Variants in FAM227B observed in about 807,000 individuals in gnomAD.
FAM227B encodes the protein family with sequence similarity 227 member B.
In FAM227B, 88 loss-of-function variants were observed where a neutral mutation model predicts 73.8. The ratio of observed to expected loss-of-function variants is 1.19; its 90% CI spans 1.00 to 1.42. FAM227B has a LOEUF of 1.42. Among genes scored for constraint, FAM227B ranks in the 40% most tolerant of loss-of-function variants. FAM227B has a pLI of 0.00. For synonymous variants in FAM227B, 210 were observed against 190.5 expected (o/e 1.10, Z -0.84); for missense variants, 632 against 590.9 (o/e 1.07, Z -0.72).
chr15:49,533,357 A>G (rs2060762586), intron 10 of FAM227B, among the ~76,000 whole-genome samples: 1 of 151,858 alleles, frequency 6.6e-6, no homozygotes, highest in African/African-American at 2.4e-5. Flanking sequence ...GCTGCTTTGG[A>G]TGGAATGTTC....
At chr15:49,537,839 C>G (rs2070493196) in intron 10 of FAM227B, among the ~76,000 whole-genome samples, 1 of 151,974 alleles carries the variant, frequency 6.6e-6, no homozygotes, top group African/African-American at 2.4e-5. Flanking sequence ...CATGATCTCA[C>G]TGATATTTGG....
intron 11 of FAM227B, among the ~76,000 whole-genome samples, chr15:49,437,537 T>G (rs1597183384): frequency 6.6e-6 from 1 of 151,658 alleles, no homozygotes; most frequent in East Asian, 1.9e-4. Context: ...GGGGTGTGAT[T>G]CTGGGTAAAT....
intron 11 of FAM227B, among the ~76,000 whole-genome samples, chr15:49,496,517 G>T (rs547214821): frequency 6.6e-6 from 1 of 152,252 alleles, no homozygotes; most frequent in South Asian, 2.1e-4. Flanking sequence ...AGAGGAGCTG[G>T]CTTATAAATC....
At chr15:49,568,102 T>C in intron 9 of FAM227B, 143 bp downstream of exon 9, 1 of 656,718 alleles carries the variant, frequency 1.5e-6, no homozygotes, top group Non-Finnish European at 2.5e-6. Context: ...AGCATAACTT[T>C]CAAAATATTA....
intron 11 of FAM227B, among the ~76,000 whole-genome samples, chr15:49,459,714 C>T (rs1467978874): frequency 6.6e-6 from 1 of 152,050 alleles, no homozygotes; most frequent in African/African-American, 2.4e-5. Context: ...TTTTCAGGGG[C>T]CAAAACCAGG....
chr15:49,342,204 G>C (rs182522872), intron 13 of FAM227B, among the ~76,000 whole-genome samples: 4 of 152,080 alleles, frequency 2.6e-5, no homozygotes, highest in African/African-American at 9.7e-5. Flanking sequence ...TATGAATCTG[G>C]GTGATCCAAT....
At chr15:49,365,774 C>A in intron 13 of FAM227B, 1 of 854,054 alleles carries the variant, frequency 1.2e-6, no homozygotes, top group Non-Finnish European at 2.0e-6. Flanking sequence ...TGAAACACAG[C>A]CCAAACAATA....
Position 49,541,789 on chromosome 15 carries a change from C to A in FAM227B, c.765G>T (p.Leu255Phe). Residue 255 changes from leucine (L) to phenylalanine (F), a missense_variant, in exon 10 of 16, where the codon TTG becomes TTT. Coordinates refer to ENST00000299338, the MANE Select transcript of FAM227B (RefSeq NM_152647.3). ...GGAACGTTGCATATATGGCTTGTGCCAAACAATCAGGATATATCTACCAAA... is the reference window on the plus strand; with the variant it reads ...GGAACGTTGCATATATGGCTTGTGCAAAACAATCAGGATATATCTACCAAA... Reference protein sequence around the residue: ...DAFFQIYPDCLAQAIYATFHE... With the variant: ...DAFFQIYPDCFAQAIYATFHE... 1 of 1,496,748 alleles carries A rather than the reference C, an allele frequency of 6.7e-7. No individual in the cohort carries two copies. The highest frequency in any genetic ancestry group is 8.9e-7 in the Non-Finnish European group (1 of 1,122,180). The allele number at this position is 1,496,748 out of a possible 1,614,324, so 92.7% of individuals were successfully genotyped here. A position where few individuals can be genotyped will look rare whatever the true frequency, so the allele number is the denominator to read the frequency against.
At chr15:49,613,129 C>A (rs547406282) in intron 2 of FAM227B, among the ~76,000 whole-genome samples, 5 of 151,858 alleles carry the variant, frequency 3.3e-5, no homozygotes, top group Admixed American at 2.6e-4. Flanking sequence ...GACAGGAGGA[C>A]TGCTTGAGCC....
rs1164919709 is a variant in FAM227B at position 49,328,688 on chromosome 15, T to A, written c.1420-13A>T. On this transcript the variant is annotated splice_polypyrimidine_tract_variant and intron_variant, in intron 15 of 15. Transcript: ENST00000299338. ...CAGCTTCGGAACGCTATGAAAATAATACATGATTAAAGTTTCACAGATCTT... is the reference window on the plus strand; with the variant it reads ...CAGCTTCGGAACGCTATGAAAATAAAACATGATTAAAGTTTCACAGATCTT... 6.4e-7 allele frequency: 1 copy of A among 1,550,894 alleles called. No individual in the cohort carries two copies. The highest frequency in any genetic ancestry group is 2.0e-5 in the Admixed American group (1 of 50,922).
chr15:49,373,562 TTA>T lies in FAM227B; in HGVS notation c.1013-2165_1013-2164del, dbSNP rs2045976123. On this transcript the variant is annotated intron_variant, in intron 11 of 15. Transcript: ENST00000299338. The stretch of plus-strand genomic sequence containing the variant: ...TCTGATAAAACTATAATAAAATGTC[TTA>T]ACTGTTCTTACTAAGTCTCCAGAAA... Among the ~76,000 whole-genome samples, 9 of 152,268 alleles carry T rather than the reference TTA, an allele frequency of 5.9e-5. No homozygotes were observed. The South Asian group carries it at 1.9e-3, about 32-fold the overall frequency.
intron 10 of FAM227B, among the ~76,000 whole-genome samples, chr15:49,514,665 T>C (rs180717779): frequency 2.6e-5 from 4 of 152,288 alleles, no homozygotes; most frequent in Non-Finnish European, 4.4e-5. Flanking sequence ...TCTTTTATTA[T>C]AAATATGATA....
At chr15:49,465,132 T>C (rs1364360474) in intron 11 of FAM227B, among the ~76,000 whole-genome samples, 1 of 151,966 alleles carries the variant, frequency 6.6e-6, no homozygotes, top group African/African-American at 2.4e-5. Context: ...TTAATTTTAT[T>C]TTTATTTTAT....
chr15:49,412,605 A>G (rs925009485), intron 11 of FAM227B, among the ~76,000 whole-genome samples: 3 of 152,084 alleles, frequency 2.0e-5, no homozygotes, highest in Admixed American at 2.0e-4. Context: ...ATCAAAGAAT[A>G]AATCAGTTTT....
At chr15:49,471,036 A>G (rs184327425) in intron 11 of FAM227B, among the ~76,000 whole-genome samples, 63 of 152,312 alleles carry the variant, frequency 4.1e-4, no homozygotes, top group African/African-American at 1.4e-3. Flanking sequence ...TCTTGAGTAG[A>G]TGTGAAAGTG....
chr15:49,432,195 A>C, intron 11 of FAM227B, among the ~76,000 whole-genome samples: 1 of 151,678 alleles, frequency 6.6e-6, no homozygotes, highest in Non-Finnish European at 1.5e-5. Flanking sequence ...ATGTAACTGT[A>C]AGTAATGCTA....
chr15:49,495,984 C>T (rs754878162), intron 11 of FAM227B, among the ~76,000 whole-genome samples: 10 of 152,076 alleles, frequency 6.6e-5, no homozygotes, highest in Non-Finnish European at 1.0e-4. Context: ...GATCCCACCA[C>T]TGCACTTCAG....
chr15:49,457,741 G>A (rs1180518796), intron 11 of FAM227B, among the ~76,000 whole-genome samples: 1 of 151,724 alleles, frequency 6.6e-6, no homozygotes, highest in East Asian at 1.9e-4. Flanking sequence ...CAAGTTTTGA[G>A]GCTTTATTTA....
At chr15:49,389,112 T>A (rs899380120) in intron 11 of FAM227B, among the ~76,000 whole-genome samples, 2 of 151,962 alleles carry the variant, frequency 1.3e-5, no homozygotes, top group African/African-American at 4.8e-5. Context: ...AATATAGAAC[T>A]ACCATTTGAT....
Sources: gnomAD v4.1 joint callset for allele counts (sites outside exome capture counted in the v4.1 genomes callset) on GRCh38, gnomAD v4.1.1 for gene constraint, MANE v1.5 for transcripts, NCBI Gene and HGNC (gene_info 2026-07-23, HGNC 2026-07-21) for gene names.